Variants in TMOD3 observed in about 807,000 individuals in gnomAD.
TMOD3 encodes tropomodulin 3.
Under a neutral mutation model 39.2 loss-of-function variants are expected in TMOD3, and 20 were observed. The observed-to-expected ratio is 0.51, with a 90% CI of 0.36 to 0.74. TMOD3 has a LOEUF of 0.74. Ranked by LOEUF, TMOD3 falls within the 30% of genes least tolerant of loss-of-function variation. The probability of loss-of-function intolerance (pLI) is 0.00; values close to 1 mark genes in which losing one functional copy is unlikely to be tolerated. For missense variants in TMOD3, 381 were observed against 412.8 expected (o/e 0.92, Z 0.67); for synonymous variants, 143 against 145.8 (o/e 0.98, Z 0.14).
chr15:51,855,182 C>T (rs2056381780), intron 1 of TMOD3, among the ~76,000 whole-genome samples: 1 of 152,232 alleles, frequency 6.6e-6, no homozygotes, highest in African/African-American at 2.4e-5. Flanking sequence ...CACTCTGCCA[C>T]ACAGTATGAG....
At chr15:51,857,349 T>C (rs957021455) in intron 1 of TMOD3, among the ~76,000 whole-genome samples, 2 of 152,208 alleles carry the variant, frequency 1.3e-5, no homozygotes, top group African/African-American at 2.4e-5. Flanking sequence ...GGCAGGGTGT[T>C]CATGGTTTTT....
intron 4 of TMOD3, among the ~76,000 whole-genome samples, chr15:51,888,300 A>C (rs1035462626): frequency 2.0e-5 from 3 of 152,182 alleles, no homozygotes; most frequent in African/African-American, 7.2e-5. Context: ...CTTCAAACCA[A>C]ATAACCCCAG....
chr15:51,891,651 A>G (rs1301572175), intron 5 of TMOD3, among the ~76,000 whole-genome samples: 1 of 152,076 alleles, frequency 6.6e-6, no homozygotes, highest in African/African-American at 2.4e-5. Flanking sequence ...TTCTCTCCCC[A>G]TTCCATCTTT....
chr15:51,855,626 A>G (rs1359948999), intron 1 of TMOD3, among the ~76,000 whole-genome samples: 9 of 152,242 alleles, frequency 5.9e-5, no homozygotes, highest in African/African-American at 2.2e-4. Flanking sequence ...TATATGAAAT[A>G]CATTTTACAT....
intron 3 of TMOD3, among the ~76,000 whole-genome samples, chr15:51,871,072 G>A (rs1335148820): frequency 1.3e-5 from 2 of 152,090 alleles, no homozygotes; most frequent in Non-Finnish European, 2.9e-5. Flanking sequence ...AAACCTTCAT[G>A]AAAACGTTTA....
intron 2 of TMOD3, among the ~76,000 whole-genome samples, chr15:51,864,340 G>T (rs1335828695): frequency 6.6e-6 from 1 of 151,594 alleles, no homozygotes; most frequent in Non-Finnish European, 1.5e-5. Context: ...AATCTTGACA[G>T]TATTTACTTT....
chr15:51,855,385 AT>A (rs2056382899), intron 1 of TMOD3, among the ~76,000 whole-genome samples: 2 of 152,240 alleles, frequency 1.3e-5, no homozygotes, highest in African/African-American at 4.8e-5. Context: ...CCACCAGGAG[AT>A]TATGATGCAC....
intron 2 of TMOD3, among the ~76,000 whole-genome samples, chr15:51,867,987 T>C (rs2056455425): frequency 6.6e-6 from 1 of 152,210 alleles, no homozygotes; most frequent in African/African-American, 2.4e-5. Flanking sequence ...AACATAGCTC[T>C]TGCTGTGAGT....
intron 9 of TMOD3, among the ~76,000 whole-genome samples, chr15:51,902,353 C>T (rs952481445): frequency 6.6e-6 from 1 of 152,148 alleles, no homozygotes; most frequent in Non-Finnish European, 1.5e-5. Flanking sequence ...TCAACATTAT[C>T]GGAAAGTTTT....
chr15:51,878,885 A>G (rs191491209), intron 3 of TMOD3, among the ~76,000 whole-genome samples: 3 of 152,110 alleles, frequency 2.0e-5, no homozygotes, highest in African/African-American at 7.2e-5. Flanking sequence ...GGGCCTTTCA[A>G]CTCTGTAGGA....
intron 5 of TMOD3, among the ~76,000 whole-genome samples, chr15:51,891,019 CAAAT>C (rs2056590237): frequency 6.6e-6 from 1 of 152,094 alleles, no homozygotes; most frequent in East Asian, 1.9e-4. Flanking sequence ...GTGTGTCTCA[CAAAT>C]AAAGGCTTTT....
intron 5 of TMOD3, among the ~76,000 whole-genome samples, chr15:51,891,415 G>A (rs2056592753): frequency 6.6e-6 from 1 of 152,048 alleles, no homozygotes; most frequent in South Asian, 2.1e-4. Context: ...TGAGATGCAG[G>A]TGCAGGTCCC....
At chr15:51,847,492 T>C (rs1366418115) in intron 1 of TMOD3, among the ~76,000 whole-genome samples, 1 of 152,210 alleles carries the variant, frequency 6.6e-6, no homozygotes, top group African/African-American at 2.4e-5. Context: ...GCTGTGCTAA[T>C]ATCTGAGTCA....
At chr15:51,885,246 AAAGTCTT>A (rs2056554023) in intron 3 of TMOD3, among the ~76,000 whole-genome samples, 1 of 151,608 alleles carries the variant, frequency 6.6e-6, no homozygotes, top group Non-Finnish European at 1.5e-5. Context: ...TTCATATGAT[AAAGTCTT>A]TAGGTTTCTA....
At chr15:51,856,622 G>A (rs531745847) in intron 1 of TMOD3, among the ~76,000 whole-genome samples, 102 of 149,610 alleles carry the variant, frequency 6.8e-4, no homozygotes, top group Non-Finnish European at 1.1e-3. Context: ...TTTTTTTAAC[G>A]GGCAAAAGAT....
intron 1 of TMOD3, among the ~76,000 whole-genome samples, chr15:51,839,020 G>T (rs1429547823): frequency 3.3e-5 from 5 of 152,184 alleles, no homozygotes; most frequent in Non-Finnish European, 7.4e-5. Flanking sequence ...GGAATAAGGG[G>T]TGGGTCCCCC....
intron 3 of TMOD3, among the ~76,000 whole-genome samples, chr15:51,879,355 T>G (rs1028808997): frequency 2.0e-5 from 3 of 148,532 alleles, no homozygotes; most frequent in Non-Finnish European, 4.5e-5. Flanking sequence ...TATCTGAGAG[T>G]TTTTTTTTTC....
At chr15:51,872,798 C>A (rs533554767) in intron 3 of TMOD3, among the ~76,000 whole-genome samples, 1 of 152,114 alleles carries the variant, frequency 6.6e-6, no homozygotes, top group African/African-American at 2.4e-5. Flanking sequence ...ACACTGAAAT[C>A]ACTGTAAAGG....
At chr15:51,864,611 T>G (rs910234147) in intron 2 of TMOD3, among the ~76,000 whole-genome samples, 2 of 152,026 alleles carry the variant, frequency 1.3e-5, no homozygotes, top group African/African-American at 4.8e-5. Flanking sequence ...GGCAAAAGGA[T>G]CAAGGAACAA....
Sources: allele counts gnomAD v4.1 joint callset (sites outside exome capture counted in the v4.1 genomes callset), GRCh38; gene constraint gnomAD v4.1.1; transcripts MANE v1.5; gene names NCBI Gene and HGNC (gene_info 2026-07-23, HGNC 2026-07-21).